Variants in SAXO2 observed in about 807,000 individuals in gnomAD.
SAXO2 encodes family with sequence similarity 154, member B.
In SAXO2, 17 loss-of-function variants were observed where a neutral mutation model predicts 18.7. The observed-to-expected ratio is 0.91, with a 90% confidence interval of 0.62 to 1.36. The LOEUF is 1.36. Ranked by LOEUF, SAXO2 falls within the 40% of genes most tolerant of loss-of-function variation. The pLI is 0.00. For missense variants in SAXO2, 486 were observed against 562.6 expected (o/e 0.86, Z 1.38); for synonymous variants, 163 against 181.2 (o/e 0.90, Z 0.81).
In SAXO2 at chr15:82,283,224, C is replaced by T. The variant is rs2075383941; in HGVS notation, c.*162C>T. On this transcript the variant is annotated 3_prime_UTR_variant, in exon 4 of 4. Transcript: ENST00000682753. ...TTATAAGAAATCAGAATCTTAAAAC[C>T]ATTTTTTATTGATATTTTAATCAAG... 2.2e-6 allele frequency: 1 copy of T among 454,676 alleles called. No homozygotes were observed. The highest frequency in any genetic ancestry group is 6.1e-5 in the South Asian group (1 of 16,464). 28.2% of individuals were successfully genotyped at this position (454,676 alleles called of 1,614,324 possible).
chr15:82,267,607 TGTTA>T (rs745541449), intron 2 of SAXO2, among the ~76,000 whole-genome samples: 21 of 152,330 alleles, frequency 1.4e-4, no homozygotes, highest in South Asian at 6.2e-4. Context: ...TAGATTTTGG[TGTTA>T]GTTATTTTCA....
At chr15:82,275,131 A>C (rs1471725238) in intron 3 of SAXO2, among the ~76,000 whole-genome samples, 1 of 151,836 alleles carries the variant, frequency 6.6e-6, no homozygotes, top group Non-Finnish European at 1.5e-5. Context: ...GAATATTATG[A>C]ACTTCTCTAG....
chr15:82,264,767 G>A, intron 1 of SAXO2: 1 of 698,064 alleles, frequency 1.4e-6, no homozygotes, highest in South Asian at 1.5e-5. Flanking sequence ...CCAAGGTCAA[G>A]AAGCTGCCAA....
intron 1 of SAXO2, 39 bp from the exon 2 acceptor site, chr15:82,265,530 T>A: frequency 7.8e-7 from 1 of 1,288,502 alleles, no homozygotes. Context: ...TAACACAAAA[T>A]TTTTTTAAGG....
intron 2 of SAXO2, among the ~76,000 whole-genome samples, chr15:82,267,052 T>G (rs1451840108): frequency 6.6e-6 from 1 of 152,204 alleles, no homozygotes; most frequent in Non-Finnish European, 1.5e-5. Flanking sequence ...TAGTGTTAAG[T>G]ATAAAAATGT....
intron 3 of SAXO2, among the ~76,000 whole-genome samples, chr15:82,277,175 A>C (rs1460369908): frequency 6.6e-6 from 1 of 152,184 alleles, no homozygotes; most frequent in African/African-American, 2.4e-5. Flanking sequence ...GGAATAATAC[A>C]AATGCCATTT....
rs770143269 is a variant in SAXO2 at position 82,271,601 on chromosome 15, A to C, written c.234-2A>C. ...GCTATGTTTCAAATTTATATATTTC[A>C]GGTCGGATTATTGTCCTTATGAAAT... On this transcript the variant is annotated splice_acceptor_variant, in intron 2 of 3. Coordinates refer to ENST00000682753, the MANE Select transcript of SAXO2 (RefSeq NM_001348699.2). LOFTEE classifies it high-confidence loss of function. 5 of 1,601,612 alleles carry C rather than the reference A, an allele frequency of 3.1e-6. No individual in the cohort carries two copies. The African/African-American group carries it at 6.7e-5, about 22-fold the overall frequency.
In SAXO2 at chr15:82,262,906, G is replaced by C. The variant is rs2075147943; in HGVS notation, c.27G>C (p.Trp9Cys). 1 of 1,604,442 alleles carries C rather than the reference G, an allele frequency of 6.2e-7. No individual in the cohort carries two copies. Among genetic ancestry groups the C allele is most frequent in the East Asian group, 2.3e-5 (1 of 44,324 alleles). The change falls in exon 1 of 4, where the codon TGG becomes TGC. Residue 9 changes from tryptophan (W) to cysteine (C), a missense_variant. Trp to Cys is a radical substitution (Grantham distance 215). Coordinates refer to ENST00000682753, the MANE Select transcript of SAXO2 (RefSeq NM_001348699.2). MGAKSMRS[W>C]CLCQICSCGR... The stretch of plus-strand genomic sequence containing the variant: ...TGGGAGCCAAGAGTATGAGGAGCTG[G>C]TGTCTGTGTCAGATTTGTAGCTGCG...
intron 3 of SAXO2, among the ~76,000 whole-genome samples, chr15:82,278,501 T>C (rs765843994): frequency 6.6e-5 from 10 of 152,204 alleles, no homozygotes; most frequent in Non-Finnish European, 1.3e-4. Context: ...CTATAGAACG[T>C]AGACAGGAAA....
At chr15:82,268,559 ACT>A (rs1293937372) in intron 2 of SAXO2, among the ~76,000 whole-genome samples, 3 of 151,990 alleles carry the variant, frequency 2.0e-5, no homozygotes, top group East Asian at 1.9e-4. Flanking sequence ...CTCTTGCTTG[ACT>A]CTCTCATGTT....
In SAXO2 at chr15:82,265,743, A is replaced by G. The variant is rs753705648; in HGVS notation, c.228A>G (p.Thr76=). The part of the protein sequence containing the change: ...ACHGKMEGIT[T]FKSDYCPYEI... ...ATGGTAAAATGGAAGGAATAACTAC[A>G]TTTAAGTAAATATTTAGTAACTATT... is the stretch of plus-strand genomic sequence containing the variant. Residue 76 remains threonine (T), a synonymous_variant, in exon 2 of 4, where the codon ACA becomes ACG. Transcript: ENST00000682753. 7 of 1,523,096 alleles carry G rather than the reference A, an allele frequency of 4.6e-6. No individual in the cohort carries two copies. In the African/African-American group the frequency reaches 5.5e-5, roughly 12 times the overall value. The allele number at this position is 1,523,096 out of a possible 1,614,324, so 94.3% of individuals were successfully genotyped here.
At chr15:82,265,019 T>TAA (rs2075201436) in intron 1 of SAXO2, 2 of 453,666 alleles carry the variant, frequency 4.4e-6, no homozygotes. Context: ...TTCTATAGTG[T>TAA]AAGAAGACAC....
chr15:82,278,369 A>G (rs1264288780), intron 3 of SAXO2, among the ~76,000 whole-genome samples: 1 of 152,318 alleles, frequency 6.6e-6, no homozygotes, highest in Middle Eastern at 3.4e-3. Flanking sequence ...CCCGCTTTCC[A>G]TTTCTCAAAC....
chr15:82,280,181 A>G (rs2075350938), intron 3 of SAXO2, among the ~76,000 whole-genome samples: 3 of 152,116 alleles, frequency 2.0e-5, no homozygotes, highest in African/African-American at 7.2e-5. Flanking sequence ...TAGGGAGAAA[A>G]TCAATTTTCT....
At chr15:82,267,400 T>G (rs2075229773) in intron 2 of SAXO2, among the ~76,000 whole-genome samples, 1 of 152,234 alleles carries the variant, frequency 6.6e-6, no homozygotes, top group South Asian at 2.1e-4. Flanking sequence ...TTTATCTCAG[T>G]GAGCAGAGTG....
At chr15:82,270,088 C>A (rs529730543) in intron 2 of SAXO2, among the ~76,000 whole-genome samples, 1 of 152,264 alleles carries the variant, frequency 6.6e-6, no homozygotes. Flanking sequence ...ATCATAGATA[C>A]TGGTATGAAG....
At chr15:82,273,574 T>C (rs1157550218) in intron 3 of SAXO2, among the ~76,000 whole-genome samples, 7 of 152,088 alleles carry the variant, frequency 4.6e-5, no homozygotes, top group Non-Finnish European at 8.8e-5. Flanking sequence ...GCACATAACA[T>C]ACTACACAAA....
intron 3 of SAXO2, among the ~76,000 whole-genome samples, chr15:82,277,669 G>A (rs2075327104): frequency 6.6e-6 from 1 of 152,124 alleles, no homozygotes; most frequent in African/African-American, 2.4e-5. Context: ...GAGATCACAG[G>A]TTAACCAATT....
At chr15:82,272,032 TGTTA>T (rs1381134327) in intron 3 of SAXO2, 1 of 439,260 alleles carries the variant, frequency 2.3e-6, no homozygotes, top group African/African-American at 2.0e-5. Context: ...TCATCTACTT[TGTTA>T]GTTTTCTGTC....
Sources: allele counts gnomAD v4.1 joint callset (sites outside exome capture counted in the v4.1 genomes callset), GRCh38; gene constraint gnomAD v4.1.1; transcripts MANE v1.5; gene names NCBI Gene and HGNC (gene_info 2026-07-23, HGNC 2026-07-21).